FRAS1: variants seen among roughly 807,000 people sequenced by gnomAD.
FRAS1 encodes the protein Fraser extracellular matrix complex subunit 1.
A neutral mutation model predicts 435.2 loss-of-function variants in FRAS1; 290 were observed. The observed-to-expected ratio is 0.67, with a 90% CI of 0.61 to 0.73. The LOEUF (loss-of-function observed/expected upper bound fraction) is 0.73. Ranked by LOEUF, FRAS1 falls within the 30% of genes least tolerant of loss-of-function variation. The pLI, the probability that FRAS1 is intolerant of heterozygous loss-of-function variation, is 0.00. For synonymous variants in FRAS1, 1,800 were observed against 1,851.0 expected (o/e 0.97, Z 0.71); for missense variants, 4,860 against 5,001.5 (o/e 0.97, Z 0.85).
intron 38 of FRAS1, among the ~76,000 whole-genome samples, chr4:78,437,272 T>C (rs1162073522): frequency 1.3e-5 from 2 of 152,212 alleles, no homozygotes; most frequent in Non-Finnish European, 2.9e-5. Flanking sequence ...TCTGTCCTTA[T>C]AGTTTATCAG....
chr4:78,271,071 A>G (rs1726651662), intron 9 of FRAS1, among the ~76,000 whole-genome samples: 1 of 152,222 alleles, frequency 6.6e-6, no homozygotes, highest in African/African-American at 2.4e-5. Flanking sequence ...CTATAATGCT[A>G]CCAAAGACAT....
chr4:78,124,893 G>T (rs530330904), intron 2 of FRAS1, among the ~76,000 whole-genome samples: 2 of 151,916 alleles, frequency 1.3e-5, no homozygotes, highest in Non-Finnish European at 2.9e-5. Flanking sequence ...CTCTTTATTA[G>T]TCTTGCTAGT....
chr4:78,197,190 G>A (rs1722853135), intron 2 of FRAS1, among the ~76,000 whole-genome samples: 1 of 152,128 alleles, frequency 6.6e-6, no homozygotes, highest in Non-Finnish European at 1.5e-5. Flanking sequence ...CACACTTCCT[G>A]TAAAATTAGT....
intron 13 of FRAS1, among the ~76,000 whole-genome samples, chr4:78,285,233 G>A (rs944206995): frequency 1.3e-5 from 2 of 151,506 alleles, no homozygotes; most frequent in Admixed American, 6.6e-5. Context: ...GGTGGCGCAC[G>A]CCTGTAGTCC....
chr4:78,198,230 C>T (rs958635194), intron 2 of FRAS1, among the ~76,000 whole-genome samples: 2 of 152,148 alleles, frequency 1.3e-5, no homozygotes, highest in Non-Finnish European at 2.9e-5. Flanking sequence ...AGGAGTGAGT[C>T]CCCCCTGACA....
At chr4:78,442,787 A>T (rs1011454975) in intron 41 of FRAS1, among the ~76,000 whole-genome samples, 2 of 152,202 alleles carry the variant, frequency 1.3e-5, no homozygotes, top group Non-Finnish European at 2.9e-5. Flanking sequence ...CTGGAGCAGC[A>T]ACCCCAGAGT....
At chr4:78,235,685 A>G (rs1724721537) in intron 2 of FRAS1, among the ~76,000 whole-genome samples, 1 of 152,250 alleles carries the variant, frequency 6.6e-6, no homozygotes, top group Non-Finnish European at 1.5e-5. Flanking sequence ...TCAGTGGCTC[A>G]TGCCTGTAGG....
intron 22 of FRAS1, among the ~76,000 whole-genome samples, chr4:78,369,110 A>C (rs151182224): frequency 4.6e-5 from 7 of 152,212 alleles, no homozygotes; most frequent in South Asian, 4.1e-4. Flanking sequence ...GCATTTGTGG[A>C]TATGGAAAAA....
chr4:78,389,021 A>G lies in FRAS1; in HGVS notation c.3975+1320A>G, dbSNP rs190200830. On this transcript the variant is annotated intron_variant, in intron 29 of 73. Coordinates refer to ENST00000512123, the MANE Select transcript of FRAS1 (RefSeq NM_025074.7). ...TATACTTTTTTTCTAAAATATGAAAAATAATACATAACCATTCTACAACAT... is the reference window on the plus strand; with the variant it reads ...TATACTTTTTTTCTAAAATATGAAAGATAATACATAACCATTCTACAACAT... Among the ~76,000 whole-genome samples, 175 of 152,348 alleles carry G rather than the reference A, an allele frequency of 1.1e-3. 1 individual carries two copies. Among genetic ancestry groups the G allele is most frequent in the Admixed American group, 0.01 (159 of 15,298 alleles).
rs1458061233 is a variant in FRAS1 at position 78,419,035 on chromosome 4, C to T, written c.4512C>T (p.Asn1504=). 3.1e-6 allele frequency: 5 copies of T among 1,589,284 alleles called. No individual in the cohort carries two copies. Among genetic ancestry groups the T allele is most frequent in the South Asian group, 1.2e-5 (1 of 85,506 alleles). Residue 1504 remains asparagine (N), a synonymous_variant, in exon 33 of 74, where the codon AAC becomes AAT. Transcript: ENST00000512123. The part of the protein sequence containing the change: ...SEKPSGKIVY[N]ITLPLHPNQG... ...AGCCAAGTGGAAAGATTGTCTACAA[C>T]ATCACTCTACCTCTGCATCCAAATC...
intron 6 of FRAS1, among the ~76,000 whole-genome samples, chr4:78,259,442 T>C (rs1436196524): frequency 6.7e-6 from 1 of 149,690 alleles, no homozygotes; most frequent in Non-Finnish European, 1.5e-5. Context: ...TTGATTTGCA[T>C]TTCTCTGATG....
At chr4:78,083,024 C>T (rs1463690914) in intron 2 of FRAS1, among the ~76,000 whole-genome samples, 1 of 152,030 alleles carries the variant, frequency 6.6e-6, no homozygotes, top group Non-Finnish European at 1.5e-5. Flanking sequence ...GAGTGAGAAG[C>T]AAGATAGCAA....
intron 14 of FRAS1, among the ~76,000 whole-genome samples, chr4:78,290,886 C>A (rs72657042): frequency 0.23 from 34,552 of 149,884 alleles, 5,017 homozygotes; most frequent in Non-Finnish European, 0.33. Context: ...CCTGCCTCAG[C>A]CTTCCAAGTA....
intron 2 of FRAS1, among the ~76,000 whole-genome samples, chr4:78,229,221 A>G (rs1046505458): frequency 1.1e-4 from 17 of 152,326 alleles, no homozygotes; most frequent in African/African-American, 3.6e-4. Context: ...TGGAGATGAT[A>G]AAATCTATCT....
At chr4:78,336,843 C>A (rs1730187917) in intron 19 of FRAS1, among the ~76,000 whole-genome samples, 1 of 152,168 alleles carries the variant, frequency 6.6e-6, no homozygotes, top group African/African-American at 2.4e-5. Context: ...TTGTCCTTGG[C>A]AGAGAAGTTC....
intron 2 of FRAS1, among the ~76,000 whole-genome samples, chr4:78,139,529 A>C (rs1163912497): frequency 2.6e-5 from 4 of 152,088 alleles, no homozygotes; most frequent in Non-Finnish European, 5.9e-5. Flanking sequence ...TCTTACTTCC[A>C]CCGGTTTACC....
chr4:78,478,171 C>A, intron 55 of FRAS1, 110 bp downstream of exon 55: 1 of 1,212,398 alleles, frequency 8.2e-7, no homozygotes, highest in Non-Finnish European at 1.1e-6. Context: ...CACATGTGTA[C>A]TTTCCACTTA....
At chr4:78,071,579 AG>A (rs1363794546) in intron 2 of FRAS1, 1 of 152,208 alleles carries the variant, frequency 6.6e-6, no homozygotes, top group Non-Finnish European at 1.5e-5. Flanking sequence ...TCCTTAGCCC[AG>A]TATCGTGTAG....
Position 78,315,742 on chromosome 4 carries a change from A to G in FRAS1, c.1819+8A>G, listed in dbSNP as rs1729218512. ...CCACTGGCAGGTGCAAAGGTAAGAG[A>G]TGGGTCACCATCATCATCATCAAAA... On this transcript the variant is annotated splice_region_variant and intron_variant, in intron 16 of 73. Coordinates refer to ENST00000512123, the MANE Select transcript of FRAS1 (RefSeq NM_025074.7). 3.1e-6 allele frequency: 5 copies of G among 1,613,758 alleles called. No individual in the cohort carries two copies. Among genetic ancestry groups the G allele is most frequent in the Admixed American group, 3.3e-5 (2 of 60,002 alleles).
Sources: allele counts gnomAD v4.1 joint callset (sites outside exome capture counted in the v4.1 genomes callset), GRCh38; gene constraint gnomAD v4.1.1; transcripts MANE v1.5; gene names NCBI Gene and HGNC (gene_info 2026-07-23, HGNC 2026-07-21).